The following CADPS variants were observed in gnomAD, a reference collection of about 807,000 sequenced individuals.
CADPS encodes calcium dependent secretion activator.
CADPS carries 57 observed loss-of-function variants against 167.3 expected under a neutral mutation model. That is an observed-to-expected ratio of 0.34 (90% CI 0.28 to 0.42). The LOEUF is 0.42. Among genes scored for constraint, CADPS ranks in the 20% least tolerant of loss-of-function variants. CADPS has a pLI of 1.00. For missense variants in CADPS, 1,414 were observed against 1,738.1 expected (o/e 0.81, Z 3.32); for synonymous variants, 676 against 635.3 (o/e 1.06, Z -0.96).
At chr3:62,502,822 C>T (rs886168310) in intron 17 of CADPS, among the ~76,000 whole-genome samples, 6 of 151,666 alleles carry the variant, frequency 4.0e-5, no homozygotes, top group African/African-American at 1.2e-4. Flanking sequence ...AGGAGGAGGC[C>T]CAGGATGTGG....
chr3:62,808,871 A>T (rs1046617264), intron 1 of CADPS, among the ~76,000 whole-genome samples: 15 of 152,084 alleles, frequency 9.9e-5, no homozygotes, highest in Non-Finnish European at 1.9e-4. Context: ...AACCTAACAC[A>T]ACCCAAACAG....
At chr3:62,810,705 A>T (rs1298577496) in intron 1 of CADPS, among the ~76,000 whole-genome samples, 1 of 152,130 alleles carries the variant, frequency 6.6e-6, no homozygotes, top group Non-Finnish European at 1.5e-5. Context: ...GTATCCTAAA[A>T]CCATAGCTTC....
chr3:62,802,137 G>A (rs1399812856), intron 1 of CADPS, among the ~76,000 whole-genome samples: 1 of 152,066 alleles, frequency 6.6e-6, no homozygotes, highest in Non-Finnish European at 1.5e-5. Context: ...TAAGCCACAG[G>A]ACACATAAGG....
chr3:62,486,171 G>A (rs2062783918), intron 21 of CADPS, among the ~76,000 whole-genome samples: 1 of 152,188 alleles, frequency 6.6e-6, no homozygotes, highest in South Asian at 2.1e-4. Context: ...TGATGGCCAG[G>A]TGCAGTGGCT....
At chr3:62,845,940 G>A (rs2077353336) in intron 1 of CADPS, among the ~76,000 whole-genome samples, 1 of 152,128 alleles carries the variant, frequency 6.6e-6, no homozygotes, top group South Asian at 2.1e-4. Flanking sequence ...TGTTGAAGGA[G>A]GGACCTAGTG....
chr3:62,491,560 C>CAA (rs1403683188), intron 20 of CADPS, 80 bp from the exon 21 acceptor site: 134 of 603,282 alleles, frequency 2.2e-4, no homozygotes, highest in Non-Finnish European at 3.3e-4. Context: ...CACACACAAA[C>CAA]ACACACACAC....
At chr3:62,510,313 T>C (rs1418165627) in intron 17 of CADPS, among the ~76,000 whole-genome samples, 2 of 152,164 alleles carry the variant, frequency 1.3e-5, no homozygotes, top group Non-Finnish European at 2.9e-5. Flanking sequence ...ATCCTTGCCA[T>C]ATTTGGAGGA....
Position 62,593,804 on chromosome 3 carries a change from C to T in CADPS, c.1326-1056G>A, listed in dbSNP as rs117100972. On this transcript the variant is annotated intron_variant, in intron 6 of 29. Coordinates refer to ENST00000383710, the MANE Select transcript of CADPS (RefSeq NM_003716.4). ...GGTTCTGGTATTAACCTCTCTTTAG[C>T]ATACTATTTAATTTTGCATCTTAGC... 4.6e-5 allele frequency among the ~76,000 whole-genome samples: 7 copies of T among 152,324 alleles called. No homozygotes were observed. The East Asian group carries it at 1.4e-3, about 29-fold the overall frequency.
chr3:62,852,104 G>A (rs1306186305), intron 1 of CADPS, among the ~76,000 whole-genome samples: 4 of 147,240 alleles, frequency 2.7e-5, no homozygotes, highest in East Asian at 4.0e-4. Context: ...CGTAGTTCTC[G>A]AGCCTTGGTT....
chr3:62,463,947 T>G (rs1357258683), intron 26 of CADPS, among the ~76,000 whole-genome samples: 8 of 152,198 alleles, frequency 5.3e-5, no homozygotes, highest in Admixed American at 4.6e-4. Flanking sequence ...TATATTTCCC[T>G]TAGTTCCCAG....
At chr3:62,681,820 A>G (rs1377861429) in intron 3 of CADPS, among the ~76,000 whole-genome samples, 1 of 151,956 alleles carries the variant, frequency 6.6e-6, no homozygotes, top group Non-Finnish European at 1.5e-5. Flanking sequence ...AGATTCCTCC[A>G]CTTTATTCTA....
In CADPS at chr3:62,700,681, C is replaced by G. The variant is rs144830120; in HGVS notation, c.889-38287G>C. Among the ~76,000 whole-genome samples the G allele has an allele frequency of 3.0e-3, 451 of 152,164 alleles. 3 individuals carry two copies. The highest frequency in any genetic ancestry group is 0.01 in the African/African-American group (430 of 41,488). On this transcript the variant is annotated intron_variant, in intron 3 of 29. Transcript: ENST00000383710. Reference sequence around the variant, plus strand: ...TGCACTTGCACTTCACGTGCTTTGTCTCCCTTAATTGTCACAGCGACTCTA... The same window carrying G: ...TGCACTTGCACTTCACGTGCTTTGTGTCCCTTAATTGTCACAGCGACTCTA...
At chr3:62,811,424 A>G (rs539740408) in intron 1 of CADPS, among the ~76,000 whole-genome samples, 1 of 152,306 alleles carries the variant, frequency 6.6e-6, no homozygotes, top group South Asian at 2.1e-4. Flanking sequence ...AGAAGCCTCA[A>G]GAAAATGCAT....
intron 3 of CADPS, among the ~76,000 whole-genome samples, chr3:62,681,950 T>G (rs904314962): frequency 3.3e-5 from 5 of 152,084 alleles, no homozygotes; most frequent in African/African-American, 1.2e-4. Context: ...GGACCTCATT[T>G]GGAGGAAAAT....
At chr3:62,518,853 C>G (rs1408361495) in intron 13 of CADPS, among the ~76,000 whole-genome samples, 1 of 152,094 alleles carries the variant, frequency 6.6e-6, no homozygotes, top group Admixed American at 6.6e-5. Flanking sequence ...AATTTCTTGC[C>G]TATAACTACC....
In CADPS at chr3:62,819,259, T is replaced by G. The variant is rs866393643; in HGVS notation, c.442-53275A>C. On this transcript the variant is annotated intron_variant, in intron 1 of 29. Coordinates refer to ENST00000383710, the MANE Select transcript of CADPS (RefSeq NM_003716.4). ...CATATTTACAATGTGAATCTATGTT[T>G]GTAAACCACTACATCAAGGAATATT... 5.9e-5 allele frequency among the ~76,000 whole-genome samples: 9 copies of G among 152,318 alleles called. No homozygotes were observed. In the Middle Eastern group the frequency reaches 0.02, roughly 345 times the overall value.
At chr3:62,624,587 T>A (rs990169805) in intron 6 of CADPS, among the ~76,000 whole-genome samples, 3 of 152,102 alleles carry the variant, frequency 2.0e-5, no homozygotes, top group Non-Finnish European at 4.4e-5. Flanking sequence ...AAGTTGCCCA[T>A]CTTTTTTCAG....
intron 3 of CADPS, among the ~76,000 whole-genome samples, chr3:62,667,137 A>G (rs2074599148): frequency 6.6e-6 from 1 of 151,670 alleles, no homozygotes; most frequent in Non-Finnish European, 1.5e-5. Context: ...CTGGGATAAG[A>G]TACCTACCCT....
At chr3:62,417,546 A>G (rs1044233497) in intron 28 of CADPS, among the ~76,000 whole-genome samples, 1 of 151,932 alleles carries the variant, frequency 6.6e-6, no homozygotes, top group Non-Finnish European at 1.5e-5. Flanking sequence ...CGGCCTCCCA[A>G]AGTGTTGGGA....
Sources: gnomAD v4.1 joint callset for allele counts (sites outside exome capture counted in the v4.1 genomes callset) on GRCh38, gnomAD v4.1.1 for gene constraint, MANE v1.5 for transcripts, NCBI Gene and HGNC (gene_info 2026-07-23, HGNC 2026-07-21) for gene names.